FGF17: variants seen among roughly 807,000 people sequenced by gnomAD.
FGF17 encodes the protein fibroblast growth factor 17.
A neutral mutation model predicts 23.5 loss-of-function variants in FGF17; 5 were observed. The ratio of observed to expected loss-of-function variants is 0.21; its 90% CI spans 0.11 to 0.45. The LOEUF is 0.45. Ranked by LOEUF, FGF17 falls within the 20% of genes least tolerant of loss-of-function variation. The pLI, the probability that FGF17 is intolerant of heterozygous loss-of-function variation, is 0.99. For missense variants in FGF17, 221 were observed against 306.9 expected (o/e 0.72, Z 2.09); for synonymous variants, 136 against 123.0 (o/e 1.11, Z -0.70).
chr8:22,043,046 G>A (rs368239887), intron 1 of FGF17, 83 bp downstream of exon 1: 139 of 1,600,096 alleles, frequency 8.7e-5, no homozygotes, highest in Non-Finnish European at 1.1e-4. Context: ...ACTCCCACGC[G>A]TGCGTGCACG....
chr8:22,047,890 G>C (rs765593047), intron 4 of FGF17, 66 bp from the exon 5 acceptor site: 3 of 1,511,360 alleles, frequency 2.0e-6, no homozygotes, highest in Admixed American at 3.8e-5. Flanking sequence ...AAAATAGGCC[G>C]TAAGGGCGAC....
At chr8:22,046,084 G>A (rs747334389) in intron 2 of FGF17, 30 bp from the exon 3 acceptor site, 1 of 1,613,954 alleles carries the variant, frequency 6.2e-7, no homozygotes, top group Non-Finnish European at 8.5e-7. Flanking sequence ...AAAGCAAATT[G>A]ACACTATTTT....
In FGF17 at chr8:22,048,452, G is replaced by A. The variant is rs754890823; in HGVS notation, c.*203G>A. The stretch of plus-strand genomic sequence containing the variant: ...GGCACAGTGCCCCCTTCCCGGACGG[G>A]TGGCAGGCCCTGGAGAGGAACTGAG... On this transcript the variant is annotated 3_prime_UTR_variant, in exon 5 of 5. Transcript: ENST00000359441. The surrounding 1 kb of genome is among the most constrained non-coding windows in gnomAD (Gnocchi z 6.9). The A allele has an allele frequency of 1.2e-5, 7 of 597,520 alleles. No homozygotes were observed. The highest frequency in any genetic ancestry group is 1.9e-5 in the African/African-American group (1 of 53,752). 37.0% of individuals were successfully genotyped at this position (597,520 alleles called of 1,614,324 possible).
rs1284710734 is a variant in FGF17, at chr8:22,043,819, C to CT, written c.72+644dup. 1.4e-3 allele frequency among the ~76,000 whole-genome samples: 215 copies of CT among 151,586 alleles called. 1 individual carries two copies. Among genetic ancestry groups the CT allele is most frequent in the Non-Finnish European group, 1.6e-3 (110 of 67,864 alleles). The stretch of plus-strand genomic sequence containing the variant: ...CAGCCCCCAGTGCGAGGCTTGCTCC[C>CT]TTTTTTGTGATCCTCCATAAAAGTG... On this transcript the variant is annotated intron_variant, in intron 2 of 4. Transcript: ENST00000359441.
upstream of FGF17, among the ~76,000 whole-genome samples, chr8:22,041,186 C>T (rs1479023691): frequency 6.6e-6 from 1 of 152,164 alleles, no homozygotes; most frequent in Non-Finnish European, 1.5e-5. Flanking sequence ...CAGGGCTTGC[C>T]CCATCCTCCC....
intron 2 of FGF17, chr8:22,044,754 T>C: frequency 1.0e-6 from 1 of 985,408 alleles, no homozygotes; most frequent in Non-Finnish European, 1.2e-6. Flanking sequence ...TGAGCAACGG[T>C]GCACAGTAAG....
At chr8:22,044,619 T>C (rs1310391058) in intron 2 of FGF17, 2 of 944,628 alleles carry the variant, frequency 2.1e-6, no homozygotes, top group East Asian at 2.3e-4. Flanking sequence ...CCCCACCCCC[T>C]GGAAGGGAGG....
In FGF17 at chr8:22,044,879, C is replaced by G; in HGVS notation, c.73-1235C>G. 3.0e-6 allele frequency: 3 copies of G among 985,436 alleles called. No homozygotes were observed. In the South Asian group the frequency reaches 1.4e-4, roughly 46 times the overall value. 61.0% of individuals were successfully genotyped at this position (985,436 alleles called of 1,614,324 possible). On this transcript the variant is annotated intron_variant, in intron 2 of 4. Transcript: ENST00000359441. Reference sequence around the variant, plus strand: ...AGGAGAGAGTAGCCCCTAACAGATGCTAATCTGGGTCTAGCTCTGTCCAGA... The same window carrying G: ...AGGAGAGAGTAGCCCCTAACAGATGGTAATCTGGGTCTAGCTCTGTCCAGA...
chr8:22,044,440 G>C (rs1026147042), intron 2 of FGF17: 2 of 152,248 alleles, frequency 1.3e-5, no homozygotes, highest in Non-Finnish European at 2.9e-5. Flanking sequence ...GGCTGTGGGG[G>C]GGCGTGGGGC....
upstream of FGF17, among the ~76,000 whole-genome samples, chr8:22,039,931 G>A (rs981467748): frequency 2.6e-5 from 4 of 152,114 alleles, no homozygotes; most frequent in South Asian, 2.1e-4. Context: ...AGAGGCAGGC[G>A]TGAGACGACC....
chr8:22,043,168 G>A lies in FGF17; in HGVS notation c.59G>A (p.Cys20Tyr). The A allele has an allele frequency of 6.2e-7, 1 of 1,613,796 alleles. No individual in the cohort carries two copies. Among genetic ancestry groups the A allele is most frequent in the Non-Finnish European group, 8.5e-7 (1 of 1,180,010 alleles). ...AGGTGCTTACAGCTGCTGATTCTCT[G>A]CTGTCAAACTCAGGTAGGCGGGCAT... ...LTLCLQLLIL[C>Y]CQTQGENHPS... The change falls in exon 2 of 5, where the codon TGC becomes TAC. Residue 20 changes from cysteine (C) to tyrosine (Y), a missense_variant. By Grantham distance (194) the Cys-to-Tyr change is radical. Transcript: ENST00000359441.
chr8:22,048,484 CCT>C lies in FGF17; in HGVS notation c.*236_*237del, dbSNP rs1801016049. On this transcript the variant is annotated 3_prime_UTR_variant, in exon 5 of 5. Coordinates refer to ENST00000359441, the MANE Select transcript of FGF17 (RefSeq NM_003867.4). The surrounding 1 kb of genome is among the most constrained non-coding windows in gnomAD (Gnocchi z 6.9). ...GCCCTGGAGAGGAACTGAGTGTCAC[CCT>C]GATCTCAGGCCACCAGCCTCTGCCG... 1 of 554,580 alleles carries C rather than the reference CCT, an allele frequency of 1.8e-6. No individual in the cohort carries two copies. The highest frequency in any genetic ancestry group is 1.9e-5 in the African/African-American group (1 of 52,638). The allele number at this position is 554,580 out of a possible 1,614,324, so 34.4% of individuals were successfully genotyped here.
At chr8:22,041,368 C>A (rs550380162), upstream of FGF17, among the ~76,000 whole-genome samples, 1 of 152,110 alleles carries the variant, frequency 6.6e-6, no homozygotes, top group African/African-American at 2.4e-5. Context: ...GTGAGAGTTT[C>A]GCTCCCCTGG....
chr8:22,046,417 C>A (rs932907856), intron 3 of FGF17, 110 bp from the exon 4 acceptor site: 14 of 1,422,300 alleles, frequency 9.8e-6, no homozygotes, highest in East Asian at 4.7e-5. Flanking sequence ...CTGAGTGTCC[C>A]CAACCCCTTC....
upstream of FGF17, chr8:22,042,754 CCCTCCTCCTCCCTCTTTTCTCT>C (rs1563362478): frequency 3.2e-6 from 2 of 634,200 alleles, no homozygotes; most frequent in Non-Finnish European, 5.6e-6. Flanking sequence ...CTCCTCCTCC[CCCTCCTCCTCCCTCTTTTCTCT>C]CCTCCTCCTC....
At chr8:22,045,641 C>A in intron 2 of FGF17, 1 of 1,059,524 alleles carries the variant, frequency 9.4e-7, no homozygotes, top group South Asian at 3.2e-5. Flanking sequence ...GGCAAGGGGT[C>A]TTTCAAGGCC....
chr8:22,042,529 G>A (rs1375320573), upstream of FGF17: 7 of 301,858 alleles, frequency 2.3e-5, no homozygotes, highest in South Asian at 1.1e-4. Flanking sequence ...GTTTGTCTGC[G>A]TCGAGTTTGG....
chr8:22,045,194 G>C (rs1800838193), intron 2 of FGF17: 1 of 985,556 alleles, frequency 1.0e-6, no homozygotes, highest in Non-Finnish European at 1.2e-6. Flanking sequence ...CAGTGCGTGG[G>C]GGGAAATGGT....
Position 22,042,943 on chromosome 8 carries a change from C to T in FGF17, c.15C>T (p.Arg5=), listed in dbSNP as rs765588859. The T allele has an allele frequency of 6.2e-7, 1 of 1,613,506 alleles. No individual in the cohort carries two copies. The highest frequency in any genetic ancestry group is 1.1e-5 in the South Asian group (1 of 90,906). Residue 5 remains arginine, a synonymous_variant, in exon 1 of 5, where the codon CGC becomes CGT. Transcript: ENST00000359441. The part of the protein sequence containing the change: MGAA[R]LLPNLTLCLQ... ...CCTCTCCAGCGATGGGAGCCGCCCG[C>T]CTGCTGCCCAACCTCACTCTGTAAG... is the stretch of plus-strand genomic sequence containing the variant.
Sources: allele counts gnomAD v4.1 joint callset (sites outside exome capture counted in the v4.1 genomes callset), GRCh38; gene constraint gnomAD v4.1.1; non-coding constraint Gnocchi (gnomAD v3.1); transcripts MANE v1.5; gene names NCBI Gene and HGNC (gene_info 2026-07-23, HGNC 2026-07-21).